RADX: variants seen among roughly 807,000 people sequenced by gnomAD.
RADX encodes RPA1 related single stranded DNA binding protein, X-linked.
Under a neutral mutation model 61.6 loss-of-function variants are expected in RADX, and 36 were observed. The ratio of observed to expected loss-of-function variants is 0.58; its 90% CI spans 0.45 to 0.77. RADX has a LOEUF of 0.77. RADX is among the 30% of genes least tolerant of loss of function. The pLI, the probability that RADX is intolerant of heterozygous loss-of-function variation, is 0.00. For synonymous variants in RADX, 272 were observed against 237.9 expected (o/e 1.14, Z -1.32); for missense variants, 497 against 651.1 (o/e 0.76, Z 2.58).
At position 106,665,089 on chromosome X, in the gene RADX, G is replaced by A. The variant is rs973006379; in HGVS notation, c.2269+2784G>A. ...TTTTAGAAAAGTATGAACCCAAGTT[G>A]TATTATAAGACCAGACAAATGGTTC... is the stretch of plus-strand genomic sequence containing the variant. On this transcript the variant is annotated intron_variant, in intron 12 of 13. Coordinates refer to ENST00000372548, the MANE Select transcript of RADX (RefSeq NM_018015.6). Among the ~76,000 whole-genome samples, 4 of 111,873 alleles carry A rather than the reference G, an allele frequency of 3.6e-5. No individual in the cohort carries two copies. In the Admixed American group the frequency reaches 3.8e-4, roughly 11 times the overall value.
At chrX:106,636,470 T>C (rs1202238770) in intron 6 of RADX, 73 bp from the exon 7 acceptor site, 1 of 564,419 alleles carries the variant, frequency 1.8e-6, no homozygotes, top group Admixed American at 3.0e-5. Flanking sequence ...TGAGAAGCAT[T>C]GTGTTAGATC....
chrX:106,652,174 G>A (rs756599817), intron 11 of RADX, among the ~76,000 whole-genome samples: 2 of 111,175 alleles, frequency 1.8e-5, no homozygotes, highest in Non-Finnish European at 3.8e-5. Flanking sequence ...TAAGCCTGGT[G>A]CAGTGGCATG....
rs1436322148 is a variant in RADX, at chrX:106,679,272, A to G, written c.*1014A>G. The G allele has an allele frequency of 8.9e-6, 1 of 112,028 alleles. No individual in the cohort carries two copies. Among genetic ancestry groups the G allele is most frequent in the Non-Finnish European group, 1.9e-5 (1 of 53,212 alleles). The allele number at this position is 112,028 out of a possible 1,213,427, so 9.2% of individuals were successfully genotyped here. On this transcript the variant is annotated 3_prime_UTR_variant, in exon 14 of 14. Transcript: ENST00000372548. Reference sequence around the variant, plus strand: ...CTATAGTTCTGTGACTTCATTTGCTATACGCTTTAAATGTGTTGAGCAGCC... The same window carrying G: ...CTATAGTTCTGTGACTTCATTTGCTGTACGCTTTAAATGTGTTGAGCAGCC...
intron 1 of RADX, among the ~76,000 whole-genome samples, chrX:106,615,817 T>C (rs1926789061): frequency 8.9e-6 from 1 of 112,017 alleles, no homozygotes; most frequent in African/African-American, 3.2e-5. Flanking sequence ...TTGATGTTTT[T>C]ACTAATGTTG....
At chrX:106,653,159 A>G (rs1377224117) in intron 11 of RADX, among the ~76,000 whole-genome samples, 1 of 111,564 alleles carries the variant, frequency 9.0e-6, no homozygotes, top group Non-Finnish European at 1.9e-5. Flanking sequence ...CAGAAAATGT[A>G]TAGCACCTGA....
chrX:106,616,952 C>A (rs1480138251), intron 1 of RADX, among the ~76,000 whole-genome samples: 1 of 101,914 alleles, frequency 9.8e-6, no homozygotes, highest in Non-Finnish European at 2.0e-5. Context: ...ATGGTAATAT[C>A]TTTAAACCCC....
At chrX:106,662,782 G>A (rs1928136581) in intron 12 of RADX, among the ~76,000 whole-genome samples, 1 of 109,564 alleles carries the variant, frequency 9.1e-6, no homozygotes, top group Non-Finnish European at 1.9e-5. Flanking sequence ...TCAAGTAACT[G>A]AGGTTGACTA....
At chrX:106,645,758 A>G (rs924255164) in intron 10 of RADX, among the ~76,000 whole-genome samples, 2 of 111,612 alleles carry the variant, frequency 1.8e-5, no homozygotes, top group African/African-American at 6.5e-5. Flanking sequence ...GTAAATATCT[A>G]TTAGATCCAT....
At chrX:106,650,847 G>A (rs1927776664) in intron 11 of RADX, among the ~76,000 whole-genome samples, 1 of 111,774 alleles carries the variant, frequency 8.9e-6, no homozygotes, top group African/African-American at 3.3e-5. Flanking sequence ...TAGAATAATA[G>A]ATAAATGCAG....
intron 12 of RADX, among the ~76,000 whole-genome samples, chrX:106,666,001 A>G (rs763984647): frequency 9.0e-6 from 1 of 111,570 alleles, no homozygotes; most frequent in Non-Finnish European, 1.9e-5. Context: ...TCAATAGATT[A>G]TAACCATTAA....
Position 106,666,639 on chromosome X carries a change from G to A in RADX, c.2270-2524G>A, listed in dbSNP as rs778494145. Among the ~76,000 whole-genome samples the A allele has an allele frequency of 7.2e-5, 8 of 111,878 alleles. No homozygotes were observed. The South Asian group carries it at 1.1e-3, about 16-fold the overall frequency. On this transcript the variant is annotated intron_variant, in intron 12 of 13. Transcript: ENST00000372548. ...ATGAGTAAAGCCTTATTATTTCAGCGTATCTATAGTATATTAAATTACCTT... is the reference window on the plus strand; with the variant it reads ...ATGAGTAAAGCCTTATTATTTCAGCATATCTATAGTATATTAAATTACCTT...
intron 13 of RADX, among the ~76,000 whole-genome samples, chrX:106,672,909 G>T (rs894964962): frequency 6.3e-5 from 7 of 111,808 alleles, no homozygotes; most frequent in African/African-American, 1.9e-4. Context: ...ATGGCTATCA[G>T]CACCACAGGC....
chrX:106,647,494 T>A (rs190985235), intron 10 of RADX, among the ~76,000 whole-genome samples: 1 of 111,062 alleles, frequency 9.0e-6, no homozygotes, highest in African/African-American at 3.3e-5. Context: ...TTTCTTTCTT[T>A]TGGGTATATA....
At chrX:106,645,114 G>T (rs1927624781) in intron 10 of RADX, among the ~76,000 whole-genome samples, 1 of 110,218 alleles carries the variant, frequency 9.1e-6, no homozygotes, top group Non-Finnish European at 1.9e-5. Context: ...AGTTGTAAAA[G>T]CTCCTTTTTC....
intron 10 of RADX, among the ~76,000 whole-genome samples, chrX:106,644,305 C>T (rs972420771): frequency 7.2e-5 from 8 of 111,152 alleles, no homozygotes; most frequent in African/African-American, 2.6e-4. Context: ...ACTTCCAGTA[C>T]TATGCTGAAT....
intron 11 of RADX, among the ~76,000 whole-genome samples, chrX:106,655,232 G>A (rs1448874836): frequency 9.0e-6 from 1 of 110,573 alleles, no homozygotes; most frequent in East Asian, 2.8e-4. Context: ...TGAGCCTTAA[G>A]TGAGTCGTAG....
chrX:106,631,701 C>T (rs927530161), intron 3 of RADX, among the ~76,000 whole-genome samples: 3 of 24,286 alleles, frequency 1.2e-4, no homozygotes, highest in Admixed American at 5.4e-4. Flanking sequence ...AAGGCCCTGT[C>T]AAAAAAAAAA....
At chrX:106,651,376 G>A (rs969247085) in intron 11 of RADX, among the ~76,000 whole-genome samples, 1 of 110,951 alleles carries the variant, frequency 9.0e-6, no homozygotes, top group Admixed American at 9.6e-5. Flanking sequence ...CAAGAGTGAC[G>A]GTGAAATAAA....
intron 13 of RADX, among the ~76,000 whole-genome samples, chrX:106,670,182 AT>A (rs60551685): frequency 0.12 from 12,881 of 107,458 alleles, 1,665 homozygotes; most frequent in African/African-American, 0.38. Flanking sequence ...ATAAGAGATG[AT>A]TTTTTTTTTA....
Sources: allele counts gnomAD v4.1 joint callset (sites outside exome capture counted in the v4.1 genomes callset), GRCh38; gene constraint gnomAD v4.1.1; transcripts MANE v1.5; gene names NCBI Gene and HGNC (gene_info 2026-07-23, HGNC 2026-07-21).